Variants in TNIK observed in about 807,000 individuals in gnomAD.
The protein encoded by TNIK is TRAF2 and NCK interacting kinase, also known as TRAF2 and NCK-interacting protein kinase.
TNIK carries 49 observed loss-of-function variants against 191.3 expected under a neutral mutation model. The ratio of observed to expected loss-of-function variants is 0.26; its 90% CI spans 0.20 to 0.32. TNIK has a LOEUF of 0.32. Among genes scored for constraint, TNIK ranks in the 10% least tolerant of loss-of-function variants. The probability of loss-of-function intolerance (pLI) is 1.00; values close to 1 mark genes in which losing one functional copy is unlikely to be tolerated. For missense variants in TNIK, 1,155 were observed against 1,702.3 expected (o/e 0.68, Z 5.66); for synonymous variants, 594 against 600.9 (o/e 0.99, Z 0.17).
chr3:171,404,528 G>C (rs1577805689), intron 1 of TNIK, among the ~76,000 whole-genome samples: 1 of 142,608 alleles, frequency 7.0e-6, no homozygotes, highest in Admixed American at 7.0e-5. Flanking sequence ...CCTTGAGTTT[G>C]TTTTTTTTTT....
chr3:171,139,529 C>T lies in TNIK; in HGVS notation c.1360G>A (p.Glu454Lys). The change falls in exon 14 of 33, where the codon GAG becomes AAG. Residue 454 changes from glutamate (E) to lysine (K), a missense_variant. Transcript: ENST00000436636. ...QEYIRRQLEE[E>K]QRQLEILQQQ... ...TGCAAGATCTCTAACTGTCTCTGCTCCTCCTCTAACTGTCGCCTGATGTAT... is the reference window on the plus strand; with the variant it reads ...TGCAAGATCTCTAACTGTCTCTGCTTCTCCTCTAACTGTCGCCTGATGTAT... 1 of 1,613,770 alleles carries T rather than the reference C, an allele frequency of 6.2e-7. No homozygotes were observed. The highest frequency in any genetic ancestry group is 8.5e-7 in the Non-Finnish European group (1 of 1,179,770).
chr3:171,457,097 G>A (rs1486526454), intron 1 of TNIK, among the ~76,000 whole-genome samples: 1 of 152,168 alleles, frequency 6.6e-6, no homozygotes, highest in East Asian at 1.9e-4. Flanking sequence ...TTATCTCTGA[G>A]CTCTAAAAAT....
At chr3:171,458,203 C>T in intron 1 of TNIK, among the ~76,000 whole-genome samples, 1 of 142,856 alleles carries the variant, frequency 7.0e-6, no homozygotes, top group Non-Finnish European at 1.5e-5. Context: ...CAGTCGGGGC[C>T]ATCCATCCAC....
intron 2 of TNIK, among the ~76,000 whole-genome samples, chr3:171,302,016 A>G (rs1752939539): frequency 6.6e-6 from 1 of 152,228 alleles, no homozygotes; most frequent in Non-Finnish European, 1.5e-5. Context: ...AAATGTTCAC[A>G]TTGTCAAATT....
At chr3:171,400,285 C>T (rs904784580) in intron 1 of TNIK, among the ~76,000 whole-genome samples, 1 of 152,132 alleles carries the variant, frequency 6.6e-6, no homozygotes, top group African/African-American at 2.4e-5. Context: ...TAGATTCAGG[C>T]CAGGCACGGT....
intron 2 of TNIK, among the ~76,000 whole-genome samples, chr3:171,250,120 T>C (rs1746066055): frequency 6.6e-6 from 1 of 152,236 alleles, no homozygotes; most frequent in Non-Finnish European, 1.5e-5. Context: ...TTCTGCTCTA[T>C]AGCTTGATGG....
chr3:171,336,838 T>C (rs1757006497), intron 2 of TNIK, among the ~76,000 whole-genome samples: 1 of 152,232 alleles, frequency 6.6e-6, no homozygotes. Flanking sequence ...GTAGGGTTAC[T>C]GCTCTAATGC....
intron 2 of TNIK, among the ~76,000 whole-genome samples, chr3:171,251,084 T>C (rs1269888452): frequency 6.6e-6 from 1 of 152,220 alleles, no homozygotes; most frequent in Non-Finnish European, 1.5e-5. Flanking sequence ...AGGTATCATG[T>C]ACACACATCA....
intron 2 of TNIK, among the ~76,000 whole-genome samples, chr3:171,279,367 A>C (rs757076503): frequency 2.0e-5 from 3 of 152,284 alleles, no homozygotes; most frequent in South Asian, 2.1e-4. Context: ...TTCATTTAAC[A>C]TCCTTGTAGA....
chr3:171,329,985 G>A (rs1050622530), intron 2 of TNIK, among the ~76,000 whole-genome samples: 2 of 152,178 alleles, frequency 1.3e-5, no homozygotes, highest in African/African-American at 2.4e-5. Context: ...TCACAGATGG[G>A]GGAAAGGAGG....
At position 171,175,270 on chromosome 3, in the gene TNIK, C is replaced by G; in HGVS notation, c.755G>C (p.Arg252Pro). The G allele has an allele frequency of 6.2e-7, 1 of 1,612,666 alleles. No homozygotes were observed. The highest frequency in any genetic ancestry group is 8.5e-7 in the Non-Finnish European group (1 of 1,179,510). ...AACTCACCACTTCTTAGACTTCAGC[C>G]GAGGCGCTGGGTTCCGGGGGATGAG... ...LFLIPRNPAP[R>P]LKSKKWSKKF... is the part of the protein sequence containing the mutation. Residue 252 changes from arginine to proline, a missense_variant, in exon 9 of 33, where the codon CGG (arginine) becomes CCG (proline). Arg to Pro is a moderately radical substitution (Grantham distance 103). Coordinates refer to ENST00000436636, the MANE Select transcript of TNIK (RefSeq NM_015028.4).
intron 2 of TNIK, among the ~76,000 whole-genome samples, chr3:171,365,912 C>T (rs1235849227): frequency 6.6e-6 from 1 of 152,200 alleles, no homozygotes; most frequent in Non-Finnish European, 1.5e-5. Context: ...AATATGTCTT[C>T]ATTTCCGTAA....
intron 3 of TNIK, among the ~76,000 whole-genome samples, chr3:171,224,217 G>T (rs1001456599): frequency 6.6e-6 from 1 of 152,152 alleles, no homozygotes; most frequent in South Asian, 2.1e-4. Context: ...TCCTGCTGAG[G>T]TTTTTGTTGT....
chr3:171,345,665 G>A (rs1056748150), intron 2 of TNIK, among the ~76,000 whole-genome samples: 4 of 152,094 alleles, frequency 2.6e-5, no homozygotes, highest in Admixed American at 2.6e-4. Flanking sequence ...AAACACCAGG[G>A]AACTCAGTTT....
intron 19 of TNIK, 67 bp from the exon 20 acceptor site, chr3:171,108,229 T>A (rs1725271598): frequency 2.4e-6 from 3 of 1,261,158 alleles, no homozygotes; most frequent in Non-Finnish European, 3.2e-6. Flanking sequence ...AAGTTCTGAA[T>A]GAATTATCTG....
chr3:171,102,358 T>C (rs1468422865), intron 21 of TNIK, among the ~76,000 whole-genome samples: 1 of 152,190 alleles, frequency 6.6e-6, no homozygotes, highest in Non-Finnish European at 1.5e-5. Flanking sequence ...AAAATGAATG[T>C]GCAAATACCA....
At chr3:171,307,058 G>A (rs1462477076) in intron 2 of TNIK, among the ~76,000 whole-genome samples, 11 of 152,162 alleles carry the variant, frequency 7.2e-5, no homozygotes, top group Non-Finnish European at 2.9e-5. Context: ...GCCACGGCCA[G>A]AGGTTGATAG....
chr3:171,248,421 G>T (rs181713640), intron 2 of TNIK, among the ~76,000 whole-genome samples: 1 of 152,316 alleles, frequency 6.6e-6, no homozygotes, highest in African/African-American at 2.4e-5. Flanking sequence ...GAAGGGGTCT[G>T]CAAGGTGGAT....
chr3:171,306,009 T>C (rs1001648151), intron 2 of TNIK, among the ~76,000 whole-genome samples: 6 of 152,172 alleles, frequency 3.9e-5, no homozygotes, highest in African/African-American at 1.4e-4. Flanking sequence ...GTAGTACATA[T>C]ATACCATGGA....
Sources: allele counts gnomAD v4.1 joint callset (sites outside exome capture counted in the v4.1 genomes callset), GRCh38; gene constraint gnomAD v4.1.1; transcripts MANE v1.5; gene names NCBI Gene and HGNC (gene_info 2026-07-23, HGNC 2026-07-21).